Variants in MYOF observed in about 807,000 individuals in gnomAD.
The protein encoded by MYOF is fer-1-like 3, myoferlin.
In MYOF, 244 loss-of-function variants were observed where a neutral mutation model predicts 284.2. The ratio of observed to expected loss-of-function variants is 0.86; its 90% CI spans 0.77 to 0.95. The LOEUF (loss-of-function observed/expected upper bound fraction) is 0.95. Ranked by LOEUF, MYOF falls within the 40% of genes least tolerant of loss-of-function variation. The pLI, the probability that MYOF is intolerant of heterozygous loss-of-function variation, is 0.00. For synonymous variants in MYOF, 904 were observed against 919.7 expected, an observed-to-expected ratio of 0.98 and a Z score of 0.31; for missense variants, 2,496 against 2,560.6, an observed-to-expected ratio of 0.97 and a Z score of 0.54.
intron 39 of MYOF, among the ~76,000 whole-genome samples, chr10:93,339,817 C>T (rs373872489): frequency 0.011 from 1,644 of 152,086 alleles, 27 homozygotes; most frequent in African/African-American, 0.037. Context: ...CAGTGGCTCA[C>T]GCCTGTAATC....
chr10:93,328,848 T>G lies in MYOF; in HGVS notation c.5046A>C (p.Arg1682Ser). ...RPTQLLQNVA[R>S]FKGFPQPILS... The stretch of plus-strand genomic sequence containing the variant: ...GGATGGGTTGTGGGAAGCCTTTGAA[T>G]CTGGCGACATTTTGAAGCAGCTGTG... The change falls in exon 45 of 54, where the codon AGA becomes AGC. Residue 1682 changes from arginine (R) to serine (S), a missense_variant. Physicochemically the swap from Arg to Ser is moderately radical, Grantham distance 110 (BLOSUM62 -1). Coordinates refer to ENST00000359263, the MANE Select transcript of MYOF (RefSeq NM_013451.4). 1 of 1,613,902 alleles carries G rather than the reference T, an allele frequency of 6.2e-7. No individual in the cohort carries two copies. Among genetic ancestry groups the G allele is most frequent in the Non-Finnish European group, 8.5e-7 (1 of 1,179,812 alleles).
intron 3 of MYOF, among the ~76,000 whole-genome samples, chr10:93,451,011 C>T (rs2056573979): frequency 6.6e-6 from 1 of 152,094 alleles, no homozygotes; most frequent in Admixed American, 6.6e-5. Flanking sequence ...AATTGACTTC[C>T]ACCAGAAGGA....
chr10:93,457,757 A>G (rs1008641246), intron 1 of MYOF, among the ~76,000 whole-genome samples: 1 of 146,580 alleles, frequency 6.8e-6, no homozygotes, highest in Non-Finnish European at 1.5e-5. Flanking sequence ...TTTTTGAGAC[A>G]GGGTCTCGCG....
At position 93,396,205 on chromosome 10, in the gene MYOF, CATTTTTAGTAAG is replaced by C. The variant is rs1171592683; in HGVS notation, c.1342_1353del (p.Leu448_Asn451del). On this transcript the variant is annotated inframe_deletion, in exon 16 of 54. Transcript: ENST00000359263. ...TGTAGATATGTTGTTCCAACTACAT[CATTTTTAGTAAG>C]ACGGTCCCTGTGTAAAAAATAAAAA... is the stretch of plus-strand genomic sequence containing the variant. 6.2e-7 allele frequency: 1 copy of C among 1,600,856 alleles called. No homozygotes were observed. The highest frequency in any genetic ancestry group is 1.3e-5 in the African/African-American group (1 of 74,300).
intron 22 of MYOF, 99 bp downstream of exon 22, chr10:93,377,224 A>T: frequency 1.1e-6 from 1 of 881,012 alleles, no homozygotes; most frequent in Non-Finnish European, 1.8e-6. Flanking sequence ...ATCACTTCTT[A>T]GACAAACACT....
chr10:93,462,703 A>G (rs2056911961), intron 1 of MYOF, among the ~76,000 whole-genome samples: 1 of 151,970 alleles, frequency 6.6e-6, no homozygotes, highest in African/African-American at 2.4e-5. Flanking sequence ...GTTACATTTT[A>G]TTGAAAACCT....
At position 93,351,183 on chromosome 10, in the gene MYOF, G is replaced by A. The variant is rs1589429729; in HGVS notation, c.3921+14C>T. ...CCGTTTGATTTGATGAGTAACACGT[G>A]GGGAGCAGCATACCTCAATGGCAGT... On this transcript the variant is annotated intron_variant, in intron 35 of 53. Coordinates refer to ENST00000359263, the MANE Select transcript of MYOF (RefSeq NM_013451.4). 1.2e-6 allele frequency: 2 copies of A among 1,611,614 alleles called. No individual in the cohort carries two copies. Among genetic ancestry groups the A allele is most frequent in the African/African-American group, 2.7e-5 (2 of 74,978 alleles).
At chr10:93,474,910 C>T (rs2057227119) in intron 1 of MYOF, among the ~76,000 whole-genome samples, 2 of 152,118 alleles carry the variant, frequency 1.3e-5, no homozygotes, top group Admixed American at 6.6e-5. Flanking sequence ...CCATGCCTGG[C>T]TAAGTTTTTT....
At chr10:93,439,652 G>C (rs1475681368) in intron 3 of MYOF, among the ~76,000 whole-genome samples, 1 of 152,144 alleles carries the variant, frequency 6.6e-6, no homozygotes, top group Non-Finnish European at 1.5e-5. Flanking sequence ...TATAAAATGG[G>C]GATAATGACA....
At chr10:93,352,046 C>A (rs543389313) in intron 32 of MYOF, among the ~76,000 whole-genome samples, 200 bp from the exon 33 acceptor site, 1 of 152,144 alleles carries the variant, frequency 6.6e-6, no homozygotes, top group South Asian at 2.1e-4. Flanking sequence ...AAGCGAGACC[C>A]TGATGTGTAC....
intron 2 of MYOF, among the ~76,000 whole-genome samples, chr10:93,456,223 A>G (rs2056742126): frequency 6.6e-6 from 1 of 152,180 alleles, no homozygotes. Context: ...AGGAGAGGAA[A>G]TCATTTGCTA....
At position 93,409,583 on chromosome 10, in the gene MYOF, T is replaced by C. The variant is rs756391494; in HGVS notation, c.590A>G (p.Gln197Arg). ...NSRRMLSNKP[Q>R]DFQIRVRVIE... ...CCAGGCCGTTGCTACCTGGAAGTCC[T>C]GTGGCTTATTTGACAGCATCCGCCG... The change falls in exon 6 of 54, where the codon CAG (glutamine) becomes CGG (arginine). Residue 197 changes from glutamine to arginine, a missense_variant. By Grantham distance (43) the Gln-to-Arg change is conservative. Around this residue, in one of 3 missense-constraint regions of MYOF, gnomAD observed 2,436 missense variants for 2,480.7 expected, o/e 0.98. Coordinates refer to ENST00000359263, the MANE Select transcript of MYOF (RefSeq NM_013451.4). 5 of 1,613,578 alleles carry C rather than the reference T, an allele frequency of 3.1e-6. No individual in the cohort carries two copies. The highest frequency in any genetic ancestry group is 2.2e-5 in the East Asian group (1 of 44,878).
At chr10:93,457,475 T>G (rs1178047161) in intron 1 of MYOF, among the ~76,000 whole-genome samples, 2 of 152,188 alleles carry the variant, frequency 1.3e-5, no homozygotes, top group Non-Finnish European at 2.9e-5. Context: ...GAAAACTTTC[T>G]AAGACCAGCG....
At chr10:93,413,443 T>C (rs1332868813) in intron 5 of MYOF, among the ~76,000 whole-genome samples, 3 of 152,200 alleles carry the variant, frequency 2.0e-5, no homozygotes, top group Non-Finnish European at 4.4e-5. Context: ...CCTATGGCAC[T>C]GTTAAACACA....
At chr10:93,424,929 ATTTTTTTTTTTTTTTTT>A (rs11376911) in intron 5 of MYOF, among the ~76,000 whole-genome samples, 3 of 77,738 alleles carry the variant, frequency 3.9e-5, no homozygotes, top group Non-Finnish European at 6.8e-5. Flanking sequence ...GGAGAATTCC[ATTTTTTTTTTTTTTTTT>A]TTTTTTTTTT....
intron 16 of MYOF, among the ~76,000 whole-genome samples, chr10:93,394,892 G>A (rs1269158460): frequency 6.7e-6 from 1 of 149,486 alleles, no homozygotes; most frequent in East Asian, 2.0e-4. Context: ...CATATAGTGT[G>A]TATATATATA....
intron 7 of MYOF, among the ~76,000 whole-genome samples, chr10:93,405,804 T>TC (rs1847534402): frequency 6.6e-6 from 1 of 150,494 alleles, no homozygotes; most frequent in Admixed American, 6.6e-5. Flanking sequence ...ATTTTTTTTT[T>TC]TTTTTTTTTT....
chr10:93,388,996 G>A (rs1293387955), intron 18 of MYOF, 34 bp downstream of exon 18: 1 of 1,605,100 alleles, frequency 6.2e-7, no homozygotes. Flanking sequence ...CTTAACCAAT[G>A]CTGATTAATA....
At chr10:93,458,054 C>A (rs994305172) in intron 1 of MYOF, among the ~76,000 whole-genome samples, 2 of 151,992 alleles carry the variant, frequency 1.3e-5, no homozygotes, top group African/African-American at 4.8e-5. Context: ...TTCATCTAAT[C>A]TTAAAAACCT....
Sources: gnomAD v4.1 joint callset for allele counts (sites outside exome capture counted in the v4.1 genomes callset) on GRCh38, gnomAD v4.1.1 for gene constraint, gnomAD v4.1.1 regional missense constraint, MANE v1.5 for transcripts, NCBI Gene and HGNC (gene_info 2026-07-23, HGNC 2026-07-21) for gene names.